SLCO3A1: variants seen among roughly 807,000 people sequenced by gnomAD.
The protein encoded by SLCO3A1 is solute carrier organic anion transporter family member 3A1.
A neutral mutation model predicts 63.1 loss-of-function variants in SLCO3A1; 27 were observed. That is an observed-to-expected ratio of 0.43 (90% CI 0.32 to 0.59). The LOEUF (loss-of-function observed/expected upper bound fraction) is 0.59, where lower values mean the gene tolerates loss of function less well. Among genes scored for constraint, SLCO3A1 ranks in the 20% least tolerant of loss-of-function variants. SLCO3A1 has a pLI of 0.09. For synonymous variants in SLCO3A1, 473 were observed against 409.9 expected (o/e 1.15, Z -1.86); for missense variants, 773 against 945.8 (o/e 0.82, Z 2.40).
rs191999907 is a variant in SLCO3A1 at position 92,028,775 on chromosome 15, C to T, written c.647-66106C>T. 4.6e-5 allele frequency among the ~76,000 whole-genome samples: 7 copies of T among 152,168 alleles called. No individual in the cohort carries two copies. In the South Asian group the frequency reaches 6.2e-4, roughly 14 times the overall value. ...CAATTAGGGGTTTTTCCATTAGATC[C>T]GAAGCCAAGTGGAGAATGCCAGAAG... On this transcript the variant is annotated intron_variant, in intron 2 of 9. Transcript: ENST00000318445.
At position 91,863,524 on chromosome 15, in the gene SLCO3A1, G is replaced by A. The variant is rs981105283; in HGVS notation, c.180+9436G>A. ...ACTTGGAATTTACTGTGTCTTGTGG[G>A]ATGCTTTGCATAAGCAGCATGTATT... On this transcript the variant is annotated intron_variant, in intron 1 of 9. Coordinates refer to ENST00000318445, the MANE Select transcript of SLCO3A1 (RefSeq NM_013272.4). The surrounding 1 kb of genome is among the most constrained non-coding windows in gnomAD (Gnocchi z 4.3). Among the ~76,000 whole-genome samples, 1 of 152,220 alleles carries A rather than the reference G, an allele frequency of 6.6e-6. No individual in the cohort carries two copies. Among genetic ancestry groups the A allele is most frequent in the Admixed American group, 6.5e-5 (1 of 15,284 alleles).
At chr15:91,957,827 A>T (rs1900294597) in intron 2 of SLCO3A1, among the ~76,000 whole-genome samples, 2 of 152,310 alleles carry the variant, frequency 1.3e-5, no homozygotes, top group South Asian at 4.1e-4. Flanking sequence ...GTCCCACTAC[A>T]CCAAAATGTA....
chr15:91,971,732 G>T (rs956428918), intron 2 of SLCO3A1, among the ~76,000 whole-genome samples: 4 of 152,112 alleles, frequency 2.6e-5, no homozygotes, highest in African/African-American at 7.2e-5. Flanking sequence ...TTAACACAAG[G>T]TTATGTGGTG....
At chr15:91,889,849 C>T (rs912301666) in intron 1 of SLCO3A1, among the ~76,000 whole-genome samples, 2 of 150,940 alleles carry the variant, frequency 1.3e-5, no homozygotes, top group Admixed American at 6.6e-5. Flanking sequence ...TCGCCCTGAG[C>T]GATTTTCTGT....
At chr15:91,993,459 A>G (rs1367287000) in intron 2 of SLCO3A1, among the ~76,000 whole-genome samples, 3 of 152,350 alleles carry the variant, frequency 2.0e-5, no homozygotes, top group South Asian at 2.1e-4. Flanking sequence ...GAAATGGCTC[A>G]GAAAGTAGAT....
intron 2 of SLCO3A1, among the ~76,000 whole-genome samples, chr15:91,980,028 G>T (rs2045965196): frequency 6.6e-6 from 1 of 152,144 alleles, no homozygotes; most frequent in Non-Finnish European, 1.5e-5. Context: ...TCCGCATTTG[G>T]TGCATTAGAA....
chr15:91,983,732 C>G (rs371156123), intron 2 of SLCO3A1, among the ~76,000 whole-genome samples: 1 of 152,128 alleles, frequency 6.6e-6, no homozygotes, highest in Non-Finnish European at 1.5e-5. Flanking sequence ...TCATGTTGAT[C>G]GGCATACAAG....
At chr15:92,109,230 G>T (rs1359849275) in intron 4 of SLCO3A1, among the ~76,000 whole-genome samples, 2 of 152,170 alleles carry the variant, frequency 1.3e-5, no homozygotes, top group Non-Finnish European at 2.9e-5. Context: ...AGATGGAAGG[G>T]AAAGGCATTT....
chr15:92,013,440 G>A (rs1040984771), intron 2 of SLCO3A1, among the ~76,000 whole-genome samples: 1 of 152,162 alleles, frequency 6.6e-6, no homozygotes, highest in Non-Finnish European at 1.5e-5. Flanking sequence ...AACCCTACCA[G>A]CCGTTTTGGA....
At chr15:92,010,038 C>T (rs1311093578) in intron 2 of SLCO3A1, among the ~76,000 whole-genome samples, 16 of 152,218 alleles carry the variant, frequency 1.1e-4, no homozygotes, top group Admixed American at 1.0e-3. Flanking sequence ...CTCTTGACAG[C>T]CCAGAGTCAA....
At chr15:92,040,816 CA>C (rs1213102994) in intron 2 of SLCO3A1, among the ~76,000 whole-genome samples, 3 of 152,246 alleles carry the variant, frequency 2.0e-5, no homozygotes, top group Admixed American at 1.3e-4. Flanking sequence ...TCTCAAACAT[CA>C]AAAGTGTCTG....
chr15:92,071,678 T>G (rs994497393), intron 2 of SLCO3A1, among the ~76,000 whole-genome samples: 4 of 152,210 alleles, frequency 2.6e-5, no homozygotes, highest in Non-Finnish European at 5.9e-5. Flanking sequence ...GAGTCTGGGG[T>G]GGGCCGTGGC....
In SLCO3A1 at chr15:91,854,269, G is replaced by C; in HGVS notation, c.180+181G>C. 8.7e-7 allele frequency: 1 copy of C among 1,152,860 alleles called. No homozygotes were observed. Among genetic ancestry groups the C allele is most frequent in the Non-Finnish European group, 1.1e-6 (1 of 929,410 alleles). The allele number at this position is 1,152,860 out of a possible 1,614,324, so 71.4% of individuals were successfully genotyped here. ...GGGGAGCTGCCGGCCGGGGCTGCCA[G>C]CGAGCGGGTAGCGGGCGGGACCGTT... On this transcript the variant is annotated intron_variant, in intron 1 of 9. Coordinates refer to ENST00000318445, the MANE Select transcript of SLCO3A1 (RefSeq NM_013272.4). The surrounding 1 kb of genome is among the most constrained non-coding windows in gnomAD (Gnocchi z 6.4).
chr15:91,881,284 C>T (rs1252908135), intron 1 of SLCO3A1, among the ~76,000 whole-genome samples: 1 of 139,548 alleles, frequency 7.2e-6, no homozygotes, highest in East Asian at 2.0e-4. Flanking sequence ...AAAAGTGTTC[C>T]CCCACCTTTT....
At chr15:91,880,399 C>CTGTGTGTG (rs1158728794) in intron 1 of SLCO3A1, among the ~76,000 whole-genome samples, 8,915 of 114,028 alleles carry the variant, frequency 0.078, 393 homozygotes, top group Non-Finnish European at 0.11. Flanking sequence ...CTCTCTCTCT[C>CTGTGTGTG]TCTCTCTCTC....
intron 5 of SLCO3A1, 97 bp from the exon 6 acceptor site, chr15:92,125,964 G>A: frequency 2.0e-6 from 2 of 986,026 alleles, no homozygotes; most frequent in East Asian, 2.5e-5. Context: ...GGGTCATAGG[G>A]CATTCACGGG....
chr15:91,883,555 T>C lies in SLCO3A1; in HGVS notation c.180+29467T>C, dbSNP rs1322438208. ...TCCATAGGGAGTTCTACCTCTCAGG[T>C]ATTTGTAATTATTTTATGCCATTAT... On this transcript the variant is annotated intron_variant, in intron 1 of 9. Transcript: ENST00000318445. The surrounding 1 kb of genome is among the most constrained non-coding windows in gnomAD (Gnocchi z 4.8). Among the ~76,000 whole-genome samples, 1 of 152,238 alleles carries C rather than the reference T, an allele frequency of 6.6e-6. No individual in the cohort carries two copies. Among genetic ancestry groups the C allele is most frequent in the Non-Finnish European group, 1.5e-5 (1 of 68,044 alleles).
At chr15:92,095,195 G>T (rs905223293) in intron 3 of SLCO3A1, among the ~76,000 whole-genome samples, 1 of 152,142 alleles carries the variant, frequency 6.6e-6, no homozygotes, top group Non-Finnish European at 1.5e-5. Flanking sequence ...TCTACCTAGA[G>T]GCTGAATAAC....
At chr15:92,111,283 C>A (rs553053201) in intron 4 of SLCO3A1, among the ~76,000 whole-genome samples, 2 of 152,314 alleles carry the variant, frequency 1.3e-5, no homozygotes, top group Non-Finnish European at 2.9e-5. Flanking sequence ...CAGTCAGTTT[C>A]TGCTATGTTT....
Sources: allele counts gnomAD v4.1 joint callset (sites outside exome capture counted in the v4.1 genomes callset), GRCh38; gene constraint gnomAD v4.1.1; non-coding constraint Gnocchi (gnomAD v3.1); transcripts MANE v1.5; gene names NCBI Gene and HGNC (gene_info 2026-07-23, HGNC 2026-07-21).